Variants in LINC00237 observed in about 807,000 individuals in gnomAD.
LINC00237 encodes long independently transcribed non-coding RNA 237.
chr20:21,101,210 A>T lies in LINC00237; in HGVS notation n.88+5061T>A, dbSNP rs1568886855. On this transcript the variant is annotated intron_variant and non_coding_transcript_variant, in intron 1 of 3. Transcript: ENST00000691244. This position sits in a 1 kb window ranked among gnomAD's most constrained non-coding sequence, Gnocchi z 4.3. The stretch of plus-strand genomic sequence containing the variant: ...CACGGTTACAGCCCCTCGGCCGGGA[A>T]TCCGACAGGGGAACAAAACGCGCTG... Among the ~76,000 whole-genome samples the T allele has an allele frequency of 6.6e-6, 1 of 152,210 alleles. No individual in the cohort carries two copies. The highest frequency in any genetic ancestry group is 1.5e-5 in the Non-Finnish European group (1 of 68,022).
At chr20:21,095,877 C>T (rs2030851898) in intron 1 of LINC00237, among the ~76,000 whole-genome samples, 1 of 152,234 alleles carries the variant, frequency 6.6e-6, no homozygotes, top group South Asian at 2.1e-4. Flanking sequence ...GAAATAATGC[C>T]AGCAGAGTAG....
At chr20:21,091,151 T>C (rs905353368) in intron 2 of LINC00237, among the ~76,000 whole-genome samples, 40 of 150,676 alleles carry the variant, frequency 2.7e-4, no homozygotes, top group African/African-American at 9.4e-4. Context: ...TGCATAATCA[T>C]TTGGGGGAAA....
intron 1 of LINC00237, among the ~76,000 whole-genome samples, chr20:21,102,113 C>T (rs371556094): frequency 3.3e-5 from 5 of 152,268 alleles, no homozygotes; most frequent in African/African-American, 1.2e-4. Flanking sequence ...TTTAAGTATA[C>T]TTGGGCCTCG....
chr20:21,104,115 G>T (rs1015457637), intron 1 of LINC00237, among the ~76,000 whole-genome samples: 17 of 152,028 alleles, frequency 1.1e-4, no homozygotes, highest in African/African-American at 4.1e-4. Context: ...AATATAATGC[G>T]TCCACCAGGC....
rs2030936355 is a variant in LINC00237, at chr20:21,101,845, G to GT, written n.88+4425_88+4426insA. On this transcript the variant is annotated intron_variant and non_coding_transcript_variant, in intron 1 of 3. Coordinates refer to ENST00000691244, the Ensembl canonical transcript of LINC00237. The surrounding 1 kb of genome is among the most constrained non-coding windows in gnomAD (Gnocchi z 4.3). ...ACACAGCCCCCTAGCTGAGTGCAGG[G>GT]GCCAGAGGCTGGCGGGGGCACGCGG... 1.3e-5 allele frequency among the ~76,000 whole-genome samples: 2 copies of GT among 152,274 alleles called. No individual in the cohort carries two copies. The highest frequency in any genetic ancestry group is 4.8e-5 in the African/African-American group (2 of 41,568).
exon 4 of LINC00237, among the ~76,000 whole-genome samples, chr20:21,085,687 TG>T (rs1035850101): frequency 6.6e-6 from 1 of 152,134 alleles, no homozygotes; most frequent in East Asian, 1.9e-4. Flanking sequence ...AGGGGACATT[TG>T]GGGGGCTTCT....
chr20:21,103,260 G>C (rs1433044600), intron 1 of LINC00237, among the ~76,000 whole-genome samples: 2 of 152,330 alleles, frequency 1.3e-5, no homozygotes, highest in South Asian at 2.1e-4. Flanking sequence ...GGCTCTAAGC[G>C]CTTCCTTGGG....
intron 2 of LINC00237, among the ~76,000 whole-genome samples, chr20:21,090,880 C>T (rs2030782963): frequency 6.6e-6 from 1 of 152,178 alleles, no homozygotes; most frequent in Non-Finnish European, 1.5e-5. Context: ...AGATGCATGA[C>T]TACACTCATT....
intron 1 of LINC00237, among the ~76,000 whole-genome samples, chr20:21,103,747 C>G (rs1010177337): frequency 2.6e-5 from 4 of 152,142 alleles, no homozygotes; most frequent in African/African-American, 9.7e-5. Context: ...GCTCTGGAGA[C>G]AGGAAAAGGT....
intron 2 of LINC00237, among the ~76,000 whole-genome samples, chr20:21,090,768 A>G (rs1322233583): frequency 1.3e-5 from 2 of 152,106 alleles, no homozygotes; most frequent in African/African-American, 4.8e-5. Flanking sequence ...CTGCTTATTG[A>G]TTCCAGGAAC....
At chr20:21,086,576 G>GTGTATATATAGTATACACTAGTATATATA (rs2030698158) in intron 3 of LINC00237, among the ~76,000 whole-genome samples, 1 of 98,658 alleles carries the variant, frequency 1.0e-5, no homozygotes, top group Admixed American at 1.1e-4. Context: ...TACATATATA[G>GTGTATATATAGTATACACTAGTATATATA]TGTATATATA....
At chr20:21,086,826 G>A (rs187424018) in intron 3 of LINC00237, among the ~76,000 whole-genome samples, 1 of 120,060 alleles carries the variant, frequency 8.3e-6, no homozygotes, top group Non-Finnish European at 1.7e-5. Flanking sequence ...TACATATATA[G>A]TGTATACTAT....
intron 2 of LINC00237, among the ~76,000 whole-genome samples, chr20:21,092,253 C>T (rs945280286): frequency 2.0e-5 from 3 of 152,150 alleles, no homozygotes; most frequent in African/African-American, 7.2e-5. Context: ...TACTATTGCA[C>T]GAGAAGCTTG....
chr20:21,088,691 A>T (rs1489976202), intron 2 of LINC00237, among the ~76,000 whole-genome samples: 1 of 152,218 alleles, frequency 6.6e-6, no homozygotes, highest in African/African-American at 2.4e-5. Context: ...AATGATTACA[A>T]ACAGAAAGTT....
intron 1 of LINC00237, among the ~76,000 whole-genome samples, chr20:21,095,007 G>A (rs1011794270): frequency 1.4e-4 from 21 of 151,982 alleles, no homozygotes; most frequent in African/African-American, 2.4e-4. Flanking sequence ...CAGAGATCAC[G>A]CCACTGCACT....
At chr20:21,097,021 T>C (rs2030867361) in intron 1 of LINC00237, among the ~76,000 whole-genome samples, 1 of 152,222 alleles carries the variant, frequency 6.6e-6, no homozygotes, top group Admixed American at 6.5e-5. Context: ...ACACTCAACC[T>C]GTCGGATTGG....
At chr20:21,093,640 T>C in exon 2 of LINC00237, 1 of 152,394 alleles carries the variant, frequency 6.6e-6, no homozygotes, top group Non-Finnish European at 1.5e-5. Context: ...TCTTCCCCTG[T>C]CTCATGTGCT....
chr20:21,094,191 C>A (rs1055066597), intron 1 of LINC00237, among the ~76,000 whole-genome samples: 7 of 152,174 alleles, frequency 4.6e-5, no homozygotes, highest in African/African-American at 1.7e-4. Context: ...GTAGAGAAAT[C>A]TACTAGAAAT....
intron 1 of LINC00237, among the ~76,000 whole-genome samples, chr20:21,096,595 T>A (rs796437950): frequency 9.8e-5 from 15 of 152,330 alleles, no homozygotes; most frequent in African/African-American, 3.4e-4. Context: ...AAAGTGCCTA[T>A]AGCTAGTTAG....
Sources: gnomAD v4.1 joint callset for allele counts (sites outside exome capture counted in the v4.1 genomes callset) on GRCh38, gnomAD v4.1.1 for gene constraint, Gnocchi (gnomAD v3.1) non-coding constraint, MANE v1.5 for transcripts, NCBI Gene and HGNC (gene_info 2026-07-23, HGNC 2026-07-21) for gene names.